The following MCOLN2 variants were observed in gnomAD, a reference collection of about 807,000 sequenced individuals.
The protein encoded by MCOLN2 is mucolipin-2.
A neutral mutation model predicts 67.5 loss-of-function variants in MCOLN2; 57 were observed. The ratio of observed to expected loss-of-function variants is 0.84; its 90% confidence interval spans 0.68 to 1.05. MCOLN2 has a LOEUF of 1.05. MCOLN2 is among the 50% of genes least tolerant of loss of function. The pLI, the probability that MCOLN2 is intolerant of heterozygous loss-of-function variation, is 0.00. For synonymous variants in MCOLN2, 246 were observed against 233.3 expected (o/e 1.05, Z -0.50); for missense variants, 620 against 678.8 (o/e 0.91, Z 0.96).
chr1:84,977,212 G>T (rs1404107178), intron 1 of MCOLN2, among the ~76,000 whole-genome samples: 1 of 151,936 alleles, frequency 6.6e-6, no homozygotes, highest in African/African-American at 2.4e-5. Context: ...GTATTTACAA[G>T]CCTCATGGTA....
At chr1:84,955,578 C>A (rs896416858) in intron 4 of MCOLN2, among the ~76,000 whole-genome samples, 4 of 152,076 alleles carry the variant, frequency 2.6e-5, no homozygotes, top group African/African-American at 4.8e-5. Context: ...GGATTTTATT[C>A]TAAATGGGAT....
chr1:84,951,550 C>T (rs541565798), intron 6 of MCOLN2, among the ~76,000 whole-genome samples: 2 of 152,196 alleles, frequency 1.3e-5, no homozygotes, highest in Non-Finnish European at 1.5e-5. Context: ...GTTTATGCCT[C>T]GAGGTTTGAA....
intron 2 of MCOLN2, among the ~76,000 whole-genome samples, chr1:84,964,663 C>T (rs1649279604): frequency 6.6e-6 from 1 of 152,070 alleles, no homozygotes; most frequent in Non-Finnish European, 1.5e-5. Context: ...AGTGGGGGCC[C>T]TGAGCTTGTT....
At position 84,929,691 on chromosome 1, in the gene MCOLN2, A is replaced by G. The variant is rs766320376; in HGVS notation, c.1543-12T>C. 3.5e-5 allele frequency: 57 copies of G among 1,610,020 alleles called. No homozygotes were observed. The highest frequency in any genetic ancestry group is 4.8e-5 in the Non-Finnish European group (56 of 1,177,084). On this transcript the variant is annotated splice_polypyrimidine_tract_variant and intron_variant, in intron 12 of 13. Coordinates refer to ENST00000370608, the MANE Select transcript of MCOLN2 (RefSeq NM_153259.4). ...TTCTGTTGGAATTTCTTTAGAAAGT[A>G]CACAATGTTGTTACCTTATTTATAA...
At position 84,987,569 on chromosome 1, in the gene MCOLN2, G is replaced by GTATACATCT. The variant is rs1650649578; in HGVS notation, c.77+9226_77+9227insAGATGTATA. Among the ~76,000 whole-genome samples the GTATACATCT allele has an allele frequency of 7.9e-5, 6 of 76,204 alleles. 1 individual carries two copies. The highest frequency in any genetic ancestry group is 1.2e-4 in the Non-Finnish European group (5 of 41,288). The allele number at this position is 76,204 out of a possible 152,430, so 50.0% of individuals were successfully genotyped here. A position where few individuals can be genotyped will look rare whatever the true frequency, so the allele number is the denominator to read the frequency against. ...AGATGTATACATCTATGTATACATA[G>GTATACATCT]ATGTATACATAGATATATACATATG... On this transcript the variant is annotated intron_variant, in intron 1 of 13. Coordinates refer to ENST00000370608, the MANE Select transcript of MCOLN2 (RefSeq NM_153259.4).
In MCOLN2 at chr1:84,931,495, G is replaced by T; in HGVS notation, c.1409C>A (p.Ala470Asp). 1.2e-6 allele frequency: 2 copies of T among 1,613,992 alleles called. No homozygotes were observed. The highest frequency in any genetic ancestry group is 1.7e-6 in the Non-Finnish European group (2 of 1,179,920). Residue 470 changes from alanine (A) to aspartate (D), a missense_variant, in exon 12 of 14, where the codon GCC (alanine) becomes GAC (aspartate). Transcript: ENST00000370608. ...VNGDDMFATFAQIQQKSILVW... is the reference protein window; with the variant it reads ...VNGDDMFATFDQIQQKSILVW... ...CAAGATGCTCTTCTGCTGGATTTGG[G>T]CAAAGGTTGCAAACATGTCATCACC...
chr1:84,937,557 A>G, intron 11 of MCOLN2, 198 bp downstream of exon 11: 1 of 1,340,806 alleles, frequency 7.5e-7, no homozygotes, highest in South Asian at 2.1e-5. Flanking sequence ...AGTATTGTAC[A>G]GTTCTTGTTT....
At chr1:84,947,696 C>A (rs182124045) in intron 6 of MCOLN2, among the ~76,000 whole-genome samples, 1 of 152,214 alleles carries the variant, frequency 6.6e-6, no homozygotes, top group African/African-American at 2.4e-5. Context: ...GCACACATTG[C>A]GCACTCTTCA....
chr1:84,973,874 A>G (rs1261666723), intron 1 of MCOLN2, among the ~76,000 whole-genome samples: 1 of 152,192 alleles, frequency 6.6e-6, no homozygotes. Flanking sequence ...TTAACTTTGT[A>G]TTGCTAAAAG....
At chr1:84,953,398 A>C (rs1469680428) in intron 4 of MCOLN2, among the ~76,000 whole-genome samples, 3 of 152,084 alleles carry the variant, frequency 2.0e-5, no homozygotes, top group Non-Finnish European at 2.9e-5. Context: ...AAAAATACAA[A>C]ATTTAGCCGG....
In MCOLN2 at chr1:84,937,849, A is replaced by G. The variant is rs1557632649; in HGVS notation, c.1241T>C (p.Leu414Pro). ...AGCACAAAACCGAAGAACTTTTGGCAGTGAGGCCTGCATTGTTAAAATCAG... is the reference window on the plus strand; with the variant it reads ...AGCACAAAACCGAAGAACTTTTGGCGGTGAGGCCTGCATTGTTAAAATCAG... ...NVLILTMQAS[L>P]PKVLRFCACA... Residue 414 changes from leucine (L) to proline (P), a missense_variant, in exon 11 of 14, where the codon CTG becomes CCG. Physicochemically the swap from Leu to Pro is moderately conservative, Grantham distance 98 (BLOSUM62 -3). Transcript: ENST00000370608. 6.2e-7 allele frequency: 1 copy of G among 1,614,226 alleles called. No individual in the cohort carries two copies. The highest frequency in any genetic ancestry group is 1.7e-5 in the Admixed American group (1 of 60,032).
intron 2 of MCOLN2, among the ~76,000 whole-genome samples, chr1:84,962,763 A>C (rs1251918815): frequency 6.6e-6 from 1 of 152,196 alleles, no homozygotes; most frequent in Non-Finnish European, 1.5e-5. Context: ...GGTAGGAAAT[A>C]GTAGATGAAA....
rs941545867 is a variant in MCOLN2, at chr1:84,981,488, T to A, written c.77+15308A>T. Among the ~76,000 whole-genome samples the A allele has an allele frequency of 7.2e-5, 11 of 152,120 alleles. No homozygotes were observed. In the East Asian group the frequency reaches 1.5e-3, roughly 21 times the overall value. On this transcript the variant is annotated intron_variant, in intron 1 of 13. Transcript: ENST00000370608. The stretch of plus-strand genomic sequence containing the variant: ...TACTATTCAGCCATAAAAAATGAGA[T>A]CCTGTCATTTGCAACAACATGGATG...
At chr1:84,938,749 C>T (rs1254676061) in intron 9 of MCOLN2, among the ~76,000 whole-genome samples, 2 of 152,110 alleles carry the variant, frequency 1.3e-5, no homozygotes, top group East Asian at 3.9e-4. Context: ...AGAGCAGGGG[C>T]AGGAGCAAGA....
chr1:84,933,771 T>C (rs1178586036), intron 11 of MCOLN2, among the ~76,000 whole-genome samples: 1 of 152,240 alleles, frequency 6.6e-6, no homozygotes, highest in East Asian at 1.9e-4. Flanking sequence ...TCAGTACATG[T>C]CACATTCATT....
At chr1:84,964,957 AG>A (rs1315549723) in intron 2 of MCOLN2, among the ~76,000 whole-genome samples, 1 of 152,172 alleles carries the variant, frequency 6.6e-6, no homozygotes, top group African/African-American at 2.4e-5. Flanking sequence ...TCCGTGGCCC[AG>A]GGGTTAGGGA....
chr1:84,990,230 G>A lies in MCOLN2; in HGVS notation c.77+6566C>T, dbSNP rs573536181. On this transcript the variant is annotated intron_variant, in intron 1 of 13. Coordinates refer to ENST00000370608, the MANE Select transcript of MCOLN2 (RefSeq NM_153259.4). Reference sequence around the variant, plus strand: ...GGAGAATCGCTTGAACCTGGGAGGCGGAGGTTGCAGTGAGCTGAGATCGCG... The same window carrying A: ...GGAGAATCGCTTGAACCTGGGAGGCAGAGGTTGCAGTGAGCTGAGATCGCG... Among the ~76,000 whole-genome samples, 55 of 146,826 alleles carry A rather than the reference G, an allele frequency of 3.7e-4. No individual in the cohort carries two copies. In the South Asian group the frequency reaches 0.01, roughly 27 times the overall value.
intron 1 of MCOLN2, among the ~76,000 whole-genome samples, chr1:84,974,764 G>A (rs988720613): frequency 6.6e-6 from 1 of 152,128 alleles, no homozygotes; most frequent in Non-Finnish European, 1.5e-5. Context: ...CTGACTCTTG[G>A]ATGGCATTTC....
At chr1:84,983,047 T>A (rs967496538) in intron 1 of MCOLN2, among the ~76,000 whole-genome samples, 13 of 151,516 alleles carry the variant, frequency 8.6e-5, no homozygotes, top group Non-Finnish European at 1.9e-4. Context: ...CACAAGTATA[T>A]CTTACCAGTC....
Sources: allele counts gnomAD v4.1 joint callset (sites outside exome capture counted in the v4.1 genomes callset), GRCh38; gene constraint gnomAD v4.1.1; transcripts MANE v1.5; gene names NCBI Gene and HGNC (gene_info 2026-07-23, HGNC 2026-07-21).